PIEZO2: variants seen among roughly 807,000 people sequenced by gnomAD.
The protein encoded by PIEZO2 is piezo type mechanosensitive ion channel component 2, also known as piezo-type mechanosensitive ion channel component 2.
In PIEZO2, 172 loss-of-function variants were observed where a neutral mutation model predicts 337.3. The observed-to-expected ratio is 0.51, with a 90% CI of 0.45 to 0.58. PIEZO2 has a LOEUF of 0.58. Among genes scored for constraint, PIEZO2 ranks in the 20% least tolerant of loss-of-function variants. The probability of loss-of-function intolerance (pLI) is 0.00; values close to 1 mark genes in which losing one functional copy is unlikely to be tolerated. For missense variants in PIEZO2, 3,028 were observed against 3,391.3 expected (o/e 0.89, Z 2.66); for synonymous variants, 1,251 against 1,228.5 (o/e 1.02, Z -0.38).
intron 3 of PIEZO2, among the ~76,000 whole-genome samples, chr18:10,912,727 A>G (rs949714270): frequency 1.2e-4 from 19 of 152,204 alleles, no homozygotes; most frequent in East Asian, 9.6e-4. Context: ...AATTCTCTGG[A>G]CTTCTCTAAG....
At position 10,719,761 on chromosome 18, in the gene PIEZO2, T is replaced by C. The variant is rs192948042; in HGVS notation, c.5030-1502A>G. On this transcript the variant is annotated intron_variant, in intron 36 of 55. Coordinates refer to ENST00000674853, the MANE Select transcript of PIEZO2 (RefSeq NM_001378183.1). Reference sequence around the variant, plus strand: ...GAAGGGTAGTTCTATGTTTAGTTCTTTAAGAAATCTTCATTTTTTTTGAGG... The same window carrying C: ...GAAGGGTAGTTCTATGTTTAGTTCTCTAAGAAATCTTCATTTTTTTTGAGG... Among the ~76,000 whole-genome samples, 18 of 152,304 alleles carry C rather than the reference T, an allele frequency of 1.2e-4. No homozygotes were observed. In the East Asian group the frequency reaches 3.3e-3, roughly 28 times the overall value.
At chr18:11,075,071 G>A (rs112211465) in intron 1 of PIEZO2, among the ~76,000 whole-genome samples, 5,621 of 152,250 alleles carry the variant, frequency 0.037, 164 homozygotes, top group Non-Finnish European at 0.058. Flanking sequence ...ATTGCCTCAA[G>A]GAGCTTTGTT....
At chr18:10,778,452 C>A (rs917082492) in intron 18 of PIEZO2, among the ~76,000 whole-genome samples, 1 of 151,568 alleles carries the variant, frequency 6.6e-6, no homozygotes, top group Non-Finnish European at 1.5e-5. Flanking sequence ...CCTCCCTTAG[C>A]CTCCCGAGTA....
At chr18:10,715,347 A>G (rs1303267015) in intron 38 of PIEZO2, among the ~76,000 whole-genome samples, 2 of 152,212 alleles carry the variant, frequency 1.3e-5, no homozygotes, top group Non-Finnish European at 2.9e-5. Flanking sequence ...ATAATTCTCT[A>G]TTAGATATAG....
intron 27 of PIEZO2, among the ~76,000 whole-genome samples, chr18:10,755,968 G>A (rs2037823879): frequency 6.7e-6 from 1 of 150,292 alleles, no homozygotes; most frequent in Non-Finnish European, 1.5e-5. Flanking sequence ...GAGAGCTAGG[G>A]GATGAGGAGG....
chr18:11,105,034 C>T lies in PIEZO2; in HGVS notation c.65-38812G>A, dbSNP rs1262455808. Reference sequence around the variant, plus strand: ...GAATCACTAGCTCGAAGTCTGTTAGCCTAAAATTACCACTTACTATCATTT... The same window carrying T: ...GAATCACTAGCTCGAAGTCTGTTAGTCTAAAATTACCACTTACTATCATTT... On this transcript the variant is annotated intron_variant, in intron 1 of 55. Coordinates refer to ENST00000674853, the MANE Select transcript of PIEZO2 (RefSeq NM_001378183.1). This position sits in a 1 kb window ranked among gnomAD's most constrained non-coding sequence, Gnocchi z 4.3. 6.6e-6 allele frequency among the ~76,000 whole-genome samples: 1 copy of T among 152,112 alleles called. No individual in the cohort carries two copies. Among genetic ancestry groups the T allele is most frequent in the African/African-American group, 2.4e-5 (1 of 41,412 alleles).
In PIEZO2 at chr18:10,886,347, C is replaced by T. The variant is rs1367480703; in HGVS notation, c.330-14932G>A. 2.7e-3 allele frequency among the ~76,000 whole-genome samples: 24 copies of T among 8,764 alleles called. 1 individual carries two copies. The highest frequency in any genetic ancestry group is 0.014 in the African/African-American group (13 of 922). 5.7% of individuals were successfully genotyped at this position (8,764 alleles called of 152,430 possible). A position where few individuals can be genotyped will look rare whatever the true frequency, so the allele number is the denominator to read the frequency against. On this transcript the variant is annotated intron_variant, in intron 4 of 55. Coordinates refer to ENST00000674853, the MANE Select transcript of PIEZO2 (RefSeq NM_001378183.1). ...ACATATATATATATATATATATACACACACACACACACACATATATATGTG... is the reference window on the plus strand; with the variant it reads ...ACATATATATATATATATATATACATACACACACACACACATATATATGTG...
intron 8 of PIEZO2, among the ~76,000 whole-genome samples, chr18:10,806,281 C>A (rs1012829176): frequency 6.6e-6 from 1 of 150,530 alleles, no homozygotes; most frequent in Non-Finnish European, 1.5e-5. Context: ...TGAAAAGGTG[C>A]GGCCACCCTG....
rs1232342994 is a variant in PIEZO2, at chr18:10,759,439, C to T, written c.3757+43G>A. On this transcript the variant is annotated intron_variant, in intron 26 of 55. Coordinates refer to ENST00000674853, the MANE Select transcript of PIEZO2 (RefSeq NM_001378183.1). This position sits in a 1 kb window ranked among gnomAD's most constrained non-coding sequence, Gnocchi z 5.5. ...CACGTGAACAATGATTAACAGTAAA[C>T]CCGGATACCAGCACTCTGTGGCCCT... The T allele has an allele frequency of 2.0e-6, 3 of 1,476,698 alleles. No homozygotes were observed. Among genetic ancestry groups the T allele is most frequent in the East Asian group, 4.9e-5 (2 of 40,586 alleles). 91.5% of individuals were successfully genotyped at this position (1,476,698 alleles called of 1,614,324 possible). A position where few individuals can be genotyped will look rare whatever the true frequency, so the allele number is the denominator to read the frequency against.
intron 39 of PIEZO2, among the ~76,000 whole-genome samples, chr18:10,709,919 T>C (rs2035750080): frequency 6.6e-6 from 1 of 152,240 alleles, no homozygotes; most frequent in African/African-American, 2.4e-5. Context: ...CACCATGGCC[T>C]GGACAAAATG....
intron 9 of PIEZO2, among the ~76,000 whole-genome samples, chr18:10,803,189 G>A (rs886692732): frequency 5.3e-5 from 8 of 152,102 alleles, no homozygotes; most frequent in Non-Finnish European, 2.9e-5. Flanking sequence ...TGTCATGTCA[G>A]GTGTTGGTGA....
chr18:10,772,712 T>C (rs553472346), intron 20 of PIEZO2, among the ~76,000 whole-genome samples: 2 of 152,346 alleles, frequency 1.3e-5, no homozygotes, highest in South Asian at 4.1e-4. Context: ...TGTCCCAGTC[T>C]TTCTGGAAAC....
intron 24 of PIEZO2, among the ~76,000 whole-genome samples, 160 bp from the exon 25 acceptor site, chr18:10,760,069 G>A (rs962104246): frequency 1.5e-4 from 23 of 152,130 alleles, no homozygotes; most frequent in Admixed American, 1.4e-3. Context: ...GTGTCTCAGC[G>A]TGAAGACAGA....
intron 17 of PIEZO2, among the ~76,000 whole-genome samples, chr18:10,780,992 A>C (rs2038961564): frequency 6.6e-6 from 1 of 151,848 alleles, no homozygotes; most frequent in South Asian, 2.1e-4. Context: ...ATAAAATATA[A>C]TTTAAAAAAT....
chr18:10,691,784 T>C (rs201042633), intron 47 of PIEZO2, among the ~76,000 whole-genome samples: 1,410 of 5,114 alleles, frequency 0.28, 190 homozygotes, highest in African/African-American at 0.38. Flanking sequence ...CACACACACA[T>C]ATATATATAT....
chr18:10,898,087 G>C (rs1300016486), intron 4 of PIEZO2, among the ~76,000 whole-genome samples: 1 of 152,184 alleles, frequency 6.6e-6, no homozygotes, highest in Non-Finnish European at 1.5e-5. Context: ...TTAGGGCATT[G>C]TGCTAAGCAC....
At position 11,031,593 on chromosome 18, in the gene PIEZO2, G is replaced by T. The variant is rs560284274; in HGVS notation, c.160+34534C>A. On this transcript the variant is annotated intron_variant, in intron 2 of 55. Coordinates refer to ENST00000674853, the MANE Select transcript of PIEZO2 (RefSeq NM_001378183.1). The surrounding 1 kb of genome is among the most constrained non-coding windows in gnomAD (Gnocchi z 4.7). ...TTAAAACATTTTTATAATTACCCAG[G>T]GGTAATATTCAATATATTTAACCAC... is the stretch of plus-strand genomic sequence containing the variant. Among the ~76,000 whole-genome samples the T allele has an allele frequency of 1.1e-3, 161 of 152,068 alleles. No homozygotes were observed. The highest frequency in any genetic ancestry group is 3.8e-3 in the African/African-American group (156 of 41,498).
intron 3 of PIEZO2, among the ~76,000 whole-genome samples, chr18:10,948,109 T>C (rs776047452): frequency 1.2e-4 from 19 of 152,158 alleles, no homozygotes; most frequent in African/African-American, 1.9e-4. Flanking sequence ...TGCTTTCAAG[T>C]ATATGGAGGA....
chr18:10,731,215 A>ATATATATATGTATATATATCTATC (rs1290190163), intron 36 of PIEZO2, among the ~76,000 whole-genome samples, 192 bp downstream of exon 36: 14 of 128,728 alleles, frequency 1.1e-4, no homozygotes, highest in African/African-American at 4.1e-4. Flanking sequence ...ATATATATAT[A>ATATATATATGTATATATATCTATC]TATCTCCTAA....
Sources: gnomAD v4.1 joint callset for allele counts (sites outside exome capture counted in the v4.1 genomes callset) on GRCh38, gnomAD v4.1.1 for gene constraint, Gnocchi (gnomAD v3.1) non-coding constraint, MANE v1.5 for transcripts, NCBI Gene and HGNC (gene_info 2026-07-23, HGNC 2026-07-21) for gene names.